MGAT4C: variants seen among roughly 807,000 people sequenced by gnomAD.
MGAT4C encodes MGAT4 family member C, also known as alpha-1,3-mannosyl-glycoprotein 4-beta-N-acetylglucosaminyltransferase C.
In MGAT4C, 19 loss-of-function variants were observed where a neutral mutation model predicts 40.1. The observed-to-expected ratio is 0.47, with a 90% CI of 0.33 to 0.70. The LOEUF is 0.70. Ranked by LOEUF, MGAT4C falls within the 30% of genes least tolerant of loss-of-function variation. The pLI is 0.02. For synonymous variants in MGAT4C, 181 were observed against 187.1 expected, an observed-to-expected ratio of 0.97 and a Z score of 0.27; for missense variants, 491 against 563.2, an observed-to-expected ratio of 0.87 and a Z score of 1.30.
intron 2 of MGAT4C, among the ~76,000 whole-genome samples, chr12:86,520,666 A>T (rs556415092): frequency 1.3e-5 from 2 of 152,256 alleles, no homozygotes; most frequent in African/African-American, 4.8e-5. Context: ...GTCTTCCACA[A>T]TGGTTGAACT....
At chr12:85,991,588 C>T (rs924098601) in intron 2 of MGAT4C, among the ~76,000 whole-genome samples, 9 of 152,178 alleles carry the variant, frequency 5.9e-5, no homozygotes, top group South Asian at 4.1e-4. Flanking sequence ...TTATCCTTCC[C>T]GCACTCGTGG....
chr12:86,772,723 T>C (rs1194508337), intron 1 of MGAT4C, among the ~76,000 whole-genome samples: 1 of 152,184 alleles, frequency 6.6e-6, no homozygotes, highest in Non-Finnish European at 1.5e-5. Flanking sequence ...CCCTACTAGC[T>C]TTTGGACTTG....
At chr12:86,639,867 G>A (rs963843524) in intron 2 of MGAT4C, among the ~76,000 whole-genome samples, 1 of 151,606 alleles carries the variant, frequency 6.6e-6, no homozygotes, top group African/African-American at 2.4e-5. Flanking sequence ...AGATTATAAG[G>A]TTTCTTTGAT....
chr12:86,663,248 C>T (rs1964022095), intron 2 of MGAT4C, among the ~76,000 whole-genome samples: 1 of 148,128 alleles, frequency 6.8e-6, no homozygotes, highest in African/African-American at 2.5e-5. Flanking sequence ...TAGTCCCAGA[C>T]ACTTAGGAGG....
At chr12:86,025,173 C>A (rs769971655) in intron 2 of MGAT4C, among the ~76,000 whole-genome samples, 9 of 151,202 alleles carry the variant, frequency 6.0e-5, no homozygotes, top group Non-Finnish European at 1.3e-4. Context: ...ATCTTTTTTT[C>A]AATTCCCCCC....
chr12:85,983,381 G>T, intron 4 of MGAT4C, 142 bp downstream of exon 4: 1 of 771,922 alleles, frequency 1.3e-6, no homozygotes, highest in Non-Finnish European at 1.9e-6. Flanking sequence ...TTGGCAATTT[G>T]TGAAGAAACA....
At chr12:85,990,770 T>A (rs1481424691) in intron 2 of MGAT4C, among the ~76,000 whole-genome samples, 1 of 152,182 alleles carries the variant, frequency 6.6e-6, no homozygotes, top group Non-Finnish European at 1.5e-5. Context: ...TTGATCATAT[T>A]TTTCTTAAGG....
At chr12:86,174,006 G>A (rs1887126951) in intron 1 of MGAT4C, among the ~76,000 whole-genome samples, 1 of 151,750 alleles carries the variant, frequency 6.6e-6, no homozygotes, top group African/African-American at 2.4e-5. Flanking sequence ...CATTCACATA[G>A]AGAAAGGAAA....
chr12:86,540,858 G>A (rs1462693971), intron 2 of MGAT4C, among the ~76,000 whole-genome samples: 1 of 152,098 alleles, frequency 6.6e-6, no homozygotes, highest in Non-Finnish European at 1.5e-5. Flanking sequence ...TTCCTTTTAA[G>A]CCACTGAATT....
chr12:86,644,965 C>T (rs1435725404), intron 2 of MGAT4C, among the ~76,000 whole-genome samples: 1 of 151,476 alleles, frequency 6.6e-6, no homozygotes, highest in Non-Finnish European at 1.5e-5. Context: ...CTGAGCAGAC[C>T]CATTGTGATT....
intron 3 of MGAT4C, among the ~76,000 whole-genome samples, chr12:86,434,612 C>T (rs1439417745): frequency 2.6e-5 from 4 of 151,928 alleles, no homozygotes; most frequent in Non-Finnish European, 5.9e-5. Flanking sequence ...TGCACAGTTA[C>T]AGTCTTTAGA....
At chr12:86,291,617 T>C (rs919385094) in intron 4 of MGAT4C, among the ~76,000 whole-genome samples, 6 of 152,202 alleles carry the variant, frequency 3.9e-5, no homozygotes, top group Non-Finnish European at 8.8e-5. Context: ...TTAGTGTATC[T>C]GTATCTGTCA....
intron 2 of MGAT4C, among the ~76,000 whole-genome samples, chr12:86,521,961 A>T (rs576170746): frequency 9.2e-5 from 14 of 152,148 alleles, no homozygotes; most frequent in African/African-American, 3.4e-4. Context: ...TGGTATCCTG[A>T]GAGTTTGTTA....
At chr12:86,244,769 C>T (rs1037947343) in intron 1 of MGAT4C, among the ~76,000 whole-genome samples, 5 of 152,236 alleles carry the variant, frequency 3.3e-5, no homozygotes, top group South Asian at 2.1e-4. Flanking sequence ...CCACCAGTAA[C>T]GATGAAAAGG....
At chr12:86,402,125 A>G (rs1019294625) in intron 3 of MGAT4C, among the ~76,000 whole-genome samples, 11 of 151,930 alleles carry the variant, frequency 7.2e-5, no homozygotes, top group Admixed American at 5.3e-4. Context: ...TTAAAACACA[A>G]TGCAAGCAGA....
intron 3 of MGAT4C, among the ~76,000 whole-genome samples, chr12:86,334,398 A>G (rs1446689719): frequency 6.6e-6 from 1 of 152,128 alleles, no homozygotes; most frequent in African/African-American, 2.4e-5. Flanking sequence ...AAGCTCCATA[A>G]ACATGCAAAA....
intron 2 of MGAT4C, among the ~76,000 whole-genome samples, chr12:86,565,537 T>G (rs762471147): frequency 1.1e-4 from 16 of 152,338 alleles, no homozygotes; most frequent in Admixed American, 3.9e-4. Context: ...TGCACCTGGT[T>G]GTGCACTTTG....
chr12:86,507,879 T>G (rs1220206024), intron 2 of MGAT4C, among the ~76,000 whole-genome samples: 1 of 152,128 alleles, frequency 6.6e-6, no homozygotes, highest in Non-Finnish European at 1.5e-5. Context: ...AAGATTGTTT[T>G]GGCTACTTAG....
intron 2 of MGAT4C, among the ~76,000 whole-genome samples, chr12:86,049,173 T>C (rs753484401): frequency 6.6e-6 from 1 of 151,982 alleles, no homozygotes; most frequent in African/African-American, 2.4e-5. Flanking sequence ...CTTGGAATAA[T>C]AAAGAAGATA....
Sources: allele counts gnomAD v4.1 joint callset (sites outside exome capture counted in the v4.1 genomes callset), GRCh38; gene constraint gnomAD v4.1.1; transcripts MANE v1.5; gene names NCBI Gene and HGNC (gene_info 2026-07-23, HGNC 2026-07-21).